CCDC146: variants seen among roughly 807,000 people sequenced by gnomAD.
CCDC146 encodes coiled-coil domain-containing protein 146.
In CCDC146, 92 loss-of-function variants were observed where a neutral mutation model predicts 119.3. The ratio of observed to expected loss-of-function variants is 0.77; its 90% CI spans 0.65 to 0.92. The LOEUF (loss-of-function observed/expected upper bound fraction) is 0.92, where lower values mean the gene tolerates loss of function less well. Ranked by LOEUF, CCDC146 falls within the 40% of genes least tolerant of loss-of-function variation. The pLI, the probability that CCDC146 is intolerant of heterozygous loss-of-function variation, is 0.00. For synonymous variants in CCDC146, 372 were observed against 371.8 expected (o/e 1.00, Z -0.01); for missense variants, 1,000 against 1,103.0 (o/e 0.91, Z 1.32).
At chr7:77,242,792 C>A (rs983202328) in intron 4 of CCDC146, among the ~76,000 whole-genome samples, 3 of 151,712 alleles carry the variant, frequency 2.0e-5, no homozygotes, top group Middle Eastern at 6.3e-3. Context: ...TTCAGTCCTT[C>A]CTAGAGATAA....
At chr7:77,251,475 A>C (rs2150502165) in intron 4 of CCDC146, among the ~76,000 whole-genome samples, 1 of 152,212 alleles carries the variant, frequency 6.6e-6, no homozygotes, top group Middle Eastern at 3.4e-3. Flanking sequence ...TCTGGTTCTG[A>C]TGGTTGCTCT....
chr7:77,249,602 CTG>C (rs1793020637), intron 4 of CCDC146, among the ~76,000 whole-genome samples: 1 of 33,930 alleles, frequency 2.9e-5, no homozygotes, highest in African/African-American at 4.8e-5. Flanking sequence ...GAAGTTCGTT[CTG>C]TCTGAAATTA....
chr7:77,181,021 A>G (rs1215093882), intron 2 of CCDC146, among the ~76,000 whole-genome samples: 2 of 152,224 alleles, frequency 1.3e-5, no homozygotes, highest in Non-Finnish European at 2.9e-5. Flanking sequence ...TATGAATAGG[A>G]AATTTGAGAT....
chr7:77,156,687 C>G (rs182425537), intron 1 of CCDC146, among the ~76,000 whole-genome samples: 1 of 152,194 alleles, frequency 6.6e-6, no homozygotes, highest in East Asian at 1.9e-4. Flanking sequence ...AAAATCTAGG[C>G]AGGAATAACT....
intron 1 of CCDC146, among the ~76,000 whole-genome samples, chr7:77,159,291 T>A (rs1353973813): frequency 6.6e-6 from 1 of 152,112 alleles, no homozygotes; most frequent in Non-Finnish European, 1.5e-5. Context: ...TTGTACTCTT[T>A]AACTATTACT....
At chr7:77,265,809 G>A (rs1031267463) in intron 9 of CCDC146, among the ~76,000 whole-genome samples, 1 of 152,228 alleles carries the variant, frequency 6.6e-6, no homozygotes, top group African/African-American at 2.4e-5. Context: ...TCACTTCCTG[G>A]TGAGCAGAAA....
intron 15 of CCDC146, among the ~76,000 whole-genome samples, chr7:77,283,672 T>A (rs1268896267): frequency 6.6e-6 from 1 of 152,182 alleles, no homozygotes; most frequent in African/African-American, 2.4e-5. Context: ...CATCTTGTCA[T>A]TTATTTTCTA....
At chr7:77,253,517 A>G (rs958663155) in intron 4 of CCDC146, among the ~76,000 whole-genome samples, 18 of 152,212 alleles carry the variant, frequency 1.2e-4, no homozygotes, top group Admixed American at 3.3e-4. Context: ...CTCATTCAGC[A>G]CATACATTAT....
chr7:77,195,124 T>C (rs1584059765), intron 2 of CCDC146: 2 of 152,246 alleles, frequency 1.3e-5, no homozygotes, highest in East Asian at 3.9e-4. Flanking sequence ...CAGAGTATGA[T>C]AGCCTGTAAG....
chr7:77,156,392 T>C (rs1268059129), intron 1 of CCDC146, among the ~76,000 whole-genome samples: 2 of 152,172 alleles, frequency 1.3e-5, no homozygotes, highest in Non-Finnish European at 2.9e-5. Context: ...CTTTTTGTTT[T>C]TCCTGTAGGA....
intron 1 of CCDC146, among the ~76,000 whole-genome samples, chr7:77,165,991 A>G (rs1791332908): frequency 6.6e-6 from 1 of 152,250 alleles, no homozygotes; most frequent in Non-Finnish European, 1.5e-5. Flanking sequence ...CCAAGCTTGA[A>G]TAAAGCTTAT....
At chr7:77,211,829 T>G (rs1792190919) in intron 2 of CCDC146, among the ~76,000 whole-genome samples, 1 of 152,110 alleles carries the variant, frequency 6.6e-6, no homozygotes, top group Non-Finnish European at 1.5e-5. Context: ...TTGGCCAGTC[T>G]GGTCTTGAAC....
intron 11 of CCDC146, among the ~76,000 whole-genome samples, chr7:77,277,229 C>T (rs765166552): frequency 1.6e-4 from 24 of 152,166 alleles, no homozygotes; most frequent in Non-Finnish European, 2.5e-4. Context: ...TAGAAACTTC[C>T]TCCCTTTTCT....
intron 2 of CCDC146, among the ~76,000 whole-genome samples, chr7:77,206,301 A>T (rs554115127): frequency 6.6e-6 from 1 of 152,194 alleles, no homozygotes; most frequent in African/African-American, 2.4e-5. Context: ...GGTTTTGTTT[A>T]TCTGTCTTTC....
rs192544385 is a variant in CCDC146, at chr7:77,252,582, G to C, written c.450-1924G>C. ...GATGGGCCTTTGATATACACAACTG[G>C]AATTGCCCAGTAAGAAATTAAACAT... On this transcript the variant is annotated intron_variant, in intron 4 of 18. Coordinates refer to ENST00000285871, the MANE Select transcript of CCDC146 (RefSeq NM_020879.3). 3.9e-5 allele frequency among the ~76,000 whole-genome samples: 6 copies of C among 152,256 alleles called. No individual in the cohort carries two copies. The East Asian group carries it at 1.2e-3, about 29-fold the overall frequency.
chr7:77,220,550 C>T (rs1306681271), intron 2 of CCDC146, among the ~76,000 whole-genome samples: 1 of 152,158 alleles, frequency 6.6e-6, no homozygotes, highest in Non-Finnish European at 1.5e-5. Flanking sequence ...TGATAAATGT[C>T]CATGACATCT....
intron 14 of CCDC146, 67 bp downstream of exon 14, chr7:77,280,720 T>A (rs1244856563): frequency 9.2e-7 from 1 of 1,086,252 alleles, no homozygotes. Context: ...TTTTTCTATC[T>A]AGACTTGACA....
intron 2 of CCDC146, among the ~76,000 whole-genome samples, chr7:77,225,499 A>G (rs1792491540): frequency 1.3e-5 from 2 of 151,420 alleles, no homozygotes; most frequent in South Asian, 4.2e-4. Flanking sequence ...GGCTGCAGTG[A>G]GTTATGATTA....
At chr7:77,169,826 C>G (rs1256590521) in intron 2 of CCDC146, among the ~76,000 whole-genome samples, 1 of 152,026 alleles carries the variant, frequency 6.6e-6, no homozygotes, top group Non-Finnish European at 1.5e-5. Flanking sequence ...TTGGAGGATC[C>G]CTAGTTCCTG....
Sources: gnomAD v4.1 joint callset for allele counts (sites outside exome capture counted in the v4.1 genomes callset) on GRCh38, gnomAD v4.1.1 for gene constraint, MANE v1.5 for transcripts, NCBI Gene and HGNC (gene_info 2026-07-23, HGNC 2026-07-21) for gene names.